The following SGSM1 variants were observed in gnomAD, a reference collection of about 807,000 sequenced individuals.
SGSM1 encodes small G protein signaling modulator 1.
In SGSM1, 73 loss-of-function variants were observed where a neutral mutation model predicts 133.8. That is an observed-to-expected ratio of 0.55 (90% CI 0.45 to 0.66). The LOEUF (loss-of-function observed/expected upper bound fraction) is 0.66. Ranked by LOEUF, SGSM1 falls within the 30% of genes least tolerant of loss-of-function variation. The pLI is 0.00. For synonymous variants in SGSM1, 563 were observed against 573.0 expected (o/e 0.98, Z 0.25); for missense variants, 1,213 against 1,448.1 (o/e 0.84, Z 2.64).
intron 9 of SGSM1, 129 bp from the exon 10 acceptor site, chr22:24,866,964 G>C (rs1465322451): frequency 1.2e-6 from 1 of 820,360 alleles, no homozygotes; most frequent in Admixed American, 2.1e-5. Flanking sequence ...GGGCAGGCTG[G>C]GACACAGATG....
At chr22:24,853,707 C>T (rs1930610630) in intron 5 of SGSM1, among the ~76,000 whole-genome samples, 1 of 151,544 alleles carries the variant, frequency 6.6e-6, no homozygotes, top group African/African-American at 2.4e-5. Flanking sequence ...CCCAGGTTCA[C>T]GCCATTCTCC....
At chr22:24,905,083 T>C in intron 20 of SGSM1, 22 bp from the exon 21 acceptor site, 1 of 1,611,820 alleles carries the variant, frequency 6.2e-7, no homozygotes, top group Non-Finnish European at 8.5e-7. Context: ...CTGCCATCAT[T>C]GGCCCCTTGT....
chr22:24,873,803 C>T (rs5996783), intron 12 of SGSM1, among the ~76,000 whole-genome samples: 27,952 of 151,968 alleles, frequency 0.18, 2,753 homozygotes, highest in South Asian at 0.28. Flanking sequence ...CAGTGAGCCA[C>T]GTTTGTGCCA....
At chr22:24,818,127 G>A (rs1243709097) in intron 2 of SGSM1, among the ~76,000 whole-genome samples, 1 of 151,568 alleles carries the variant, frequency 6.6e-6, no homozygotes, top group Non-Finnish European at 1.5e-5. Context: ...AGCTACTCAG[G>A]AGGCTGAGGC....
At chr22:24,817,352 T>A (rs201042373) in intron 2 of SGSM1, among the ~76,000 whole-genome samples, 1 of 30,422 alleles carries the variant, frequency 3.3e-5, no homozygotes, top group South Asian at 1.9e-3. Context: ...GATCCTCAGC[T>A]TTTTTTTTCT....
At chr22:24,909,052 G>A (rs1054635539) in intron 21 of SGSM1, among the ~76,000 whole-genome samples, 36 of 152,132 alleles carry the variant, frequency 2.4e-4, no homozygotes, top group Admixed American at 2.0e-3. Flanking sequence ...TCATATCAGC[G>A]GTGGCATTAA....
Position 24,867,170 on chromosome 22 carries a change from G to A in SGSM1, c.994+10G>A, listed in dbSNP as rs778362428. On this transcript the variant is annotated intron_variant, in intron 10 of 24. Coordinates refer to ENST00000400358, the MANE Select transcript of SGSM1 (RefSeq NM_001098497.3). ...CACTGCCACCAGCAAGGTAGGGACT[G>A]TGGGGACAGGAGGGGTCTGCGTATT... 1.2e-6 allele frequency: 2 copies of A among 1,613,524 alleles called. No homozygotes were observed. Among genetic ancestry groups the A allele is most frequent in the South Asian group, 2.2e-5 (2 of 90,974 alleles).
At chr22:24,845,306 G>A (rs1401994621) in intron 3 of SGSM1, among the ~76,000 whole-genome samples, 1 of 152,108 alleles carries the variant, frequency 6.6e-6, no homozygotes, top group Non-Finnish European at 1.5e-5. Context: ...TAGGTAAAGG[G>A]AGAGGGTAGA....
rs186965344 is a variant in SGSM1 at position 24,824,510 on chromosome 22, A to G, written c.63+18026A>G. 1.5e-3 allele frequency among the ~76,000 whole-genome samples: 224 copies of G among 151,868 alleles called. 1 individual carries two copies. The highest frequency in any genetic ancestry group is 0.01 in the Middle Eastern group (3 of 294). Reference sequence around the variant, plus strand: ...CATCACCATCACCAGCCCCATTCCAACCCCTCCCAACTGTCACCTCCTGTG... The same window carrying G: ...CATCACCATCACCAGCCCCATTCCAGCCCCTCCCAACTGTCACCTCCTGTG... On this transcript the variant is annotated intron_variant, in intron 2 of 24. Coordinates refer to ENST00000400358, the MANE Select transcript of SGSM1 (RefSeq NM_001098497.3).
intron 4 of SGSM1, among the ~76,000 whole-genome samples, chr22:24,849,998 CTT>C (rs1419849597): frequency 6.6e-6 from 1 of 152,124 alleles, no homozygotes; most frequent in Non-Finnish European, 1.5e-5. Flanking sequence ...CTCCAAGACT[CTT>C]CTTGGCCCAC....
intron 24 of SGSM1, among the ~76,000 whole-genome samples, chr22:24,922,179 C>CTTTTTTTTTTT (rs140795501): frequency 1.9e-5 from 2 of 106,854 alleles, no homozygotes; most frequent in African/African-American, 4.1e-5. Context: ...CACTTACTTT[C>CTTTTTTTTTTT]TTTTTTTTTT....
intron 4 of SGSM1, among the ~76,000 whole-genome samples, chr22:24,848,370 G>C (rs1248907258): frequency 6.6e-6 from 1 of 152,040 alleles, no homozygotes; most frequent in Non-Finnish European, 1.5e-5. Flanking sequence ...CAGACACGAG[G>C]GCCTCATATC....
In SGSM1 at chr22:24,874,692, G is replaced by GGA; in HGVS notation, c.1292-1885_1292-1884insGA. On this transcript the variant is annotated intron_variant, in intron 12 of 24. Transcript: ENST00000400358. ...GGAGGCAGGAAGGGAGATGGAGGCAGAGGGATTGATGCCCTCCTGCTGTCC... is the reference window on the plus strand; with the variant it reads ...GGAGGCAGGAAGGGAGATGGAGGCAGGAAGGGATTGATGCCCTCCTGCTGTCC... 2.2e-6 allele frequency: 3 copies of GGA among 1,365,486 alleles called. No individual in the cohort carries two copies. In the African/African-American group the frequency reaches 4.4e-5, roughly 20 times the overall value. 84.6% of individuals were successfully genotyped at this position (1,365,486 alleles called of 1,614,324 possible). A position where few individuals can be genotyped will look rare whatever the true frequency, so the allele number is the denominator to read the frequency against.
chr22:24,808,708 G>T (rs754955409), intron 2 of SGSM1, among the ~76,000 whole-genome samples: 6 of 152,138 alleles, frequency 3.9e-5, no homozygotes, highest in Non-Finnish European at 8.8e-5. Flanking sequence ...TCCTGCGCAG[G>T]TTCCTTCTTC....
chr22:24,845,870 G>C (rs5996776), intron 3 of SGSM1, among the ~76,000 whole-genome samples: 68,949 of 149,198 alleles, frequency 0.46, 18,751 homozygotes, highest in African/African-American at 0.8. Context: ...CTCTCTTCAG[G>C]CAGGCAGACC....
rs146561844 is a variant in SGSM1, at chr22:24,890,539, TTTA to T, written c.1771-2880_1771-2878del. ...TTTTGCATCTGCTTGTATATGTTTT[TTTA>T]TTATTATTATTTTTTTGAGGTGGAG... On this transcript the variant is annotated intron_variant, in intron 16 of 24. Transcript: ENST00000400358. 5.7e-3 allele frequency among the ~76,000 whole-genome samples: 871 copies of T among 152,104 alleles called. 36 individuals carry two copies. The East Asian group carries it at 0.11, about 19-fold the overall frequency.
At chr22:24,806,854 C>G (rs767264044) in intron 2 of SGSM1, among the ~76,000 whole-genome samples, 6 of 151,980 alleles carry the variant, frequency 3.9e-5, no homozygotes, top group Non-Finnish European at 8.8e-5. Flanking sequence ...GGACGCCCCC[C>G]ACAGGGTGTG....
intron 2 of SGSM1, among the ~76,000 whole-genome samples, chr22:24,819,885 T>C (rs1247659707): frequency 1.3e-5 from 2 of 152,216 alleles, no homozygotes; most frequent in Admixed American, 6.5e-5. Context: ...TTTTCCGTTT[T>C]CTGCAGCTGC....
intron 16 of SGSM1, among the ~76,000 whole-genome samples, chr22:24,892,690 A>G (rs2123692630): frequency 6.6e-6 from 1 of 152,096 alleles, no homozygotes; most frequent in South Asian, 2.1e-4. Context: ...AAATTGAGTG[A>G]GTGAATGAAT....
Sources: allele counts gnomAD v4.1 joint callset (sites outside exome capture counted in the v4.1 genomes callset), GRCh38; gene constraint gnomAD v4.1.1; transcripts MANE v1.5; gene names NCBI Gene and HGNC (gene_info 2026-07-23, HGNC 2026-07-21).